Variants in ZSWIM8 observed in about 807,000 individuals in gnomAD.
ZSWIM8 encodes zinc finger SWIM domain-containing protein 8.
In ZSWIM8, 27 loss-of-function variants were observed where a neutral mutation model predicts 173.7. That is an observed-to-expected ratio of 0.16 (90% CI 0.11 to 0.21). The LOEUF (loss-of-function observed/expected upper bound fraction) is 0.21, where lower values mean the gene tolerates loss of function less well. ZSWIM8 is among the 10% of genes least tolerant of loss of function. The pLI is 1.00. For missense variants in ZSWIM8, 1,627 were observed against 2,428.8 expected, an observed-to-expected ratio of 0.67 and a Z score of 6.94; for synonymous variants, 958 against 962.0, an observed-to-expected ratio of 1.00 and a Z score of 0.08.
Position 73,792,866 on chromosome 10 carries a change from AGGAG to A in ZSWIM8, c.2313+21_2313+24del, listed in dbSNP as rs1247267106. 3 of 1,532,726 alleles carry A rather than the reference AGGAG, an allele frequency of 2.0e-6. No individual in the cohort carries two copies. Among genetic ancestry groups the A allele is most frequent in the Non-Finnish European group, 2.6e-6 (3 of 1,144,648 alleles). 94.9% of individuals were successfully genotyped at this position (1,532,726 alleles called of 1,614,324 possible). The stretch of plus-strand genomic sequence containing the variant: ...AGTCGCATGGAGGTGAGGGGATGGA[AGGAG>A]GGAGGGCTGGGTGCTCCTTAGCCAC... On this transcript the variant is annotated intron_variant, in intron 10 of 25. Transcript: ENST00000604729. The surrounding 1 kb of genome is among the most constrained non-coding windows in gnomAD (Gnocchi z 4.3).
intron 14 of ZSWIM8, 100 bp downstream of exon 14, chr10:73,794,739 A>C: frequency 9.0e-7 from 1 of 1,108,316 alleles, no homozygotes; most frequent in Non-Finnish European, 1.3e-6. Context: ...TGGGAAGGTC[A>C]GGATGACATG....
chr10:73,801,530 C>G lies in ZSWIM8; in HGVS notation c.*11C>G. 6.2e-7 allele frequency: 1 copy of G among 1,613,282 alleles called. No individual in the cohort carries two copies. The highest frequency in any genetic ancestry group is 8.5e-7 in the Non-Finnish European group (1 of 1,179,704). ...ACCTTCTCCCCCTGAGTCTTTCACC[C>G]TTAGGGTCCTATACAGGGACCCAGG... On this transcript the variant is annotated 3_prime_UTR_variant, in exon 26 of 26. Coordinates refer to ENST00000604729, the MANE Select transcript of ZSWIM8 (RefSeq NM_001367799.1). The surrounding 1 kb of genome is among the most constrained non-coding windows in gnomAD (Gnocchi z 4.9).
rs2083428072 is a variant in ZSWIM8, at chr10:73,791,855, A to C, written c.1320-4A>C. 9 of 1,502,528 alleles carry C rather than the reference A, an allele frequency of 6.0e-6. No homozygotes were observed. Among genetic ancestry groups the C allele is most frequent in the Non-Finnish European group, 8.1e-6 (9 of 1,116,796 alleles). 93.1% of individuals were successfully genotyped at this position (1,502,528 alleles called of 1,614,324 possible). A position where few individuals can be genotyped will look rare whatever the true frequency, so the allele number is the denominator to read the frequency against. Reference sequence around the variant, plus strand: ...CAGCAGCCTCCTGCCCCTTGTTCCCACAGGCGCCGGGAACTGTGTACGCAG... The same window carrying C: ...CAGCAGCCTCCTGCCCCTTGTTCCCCCAGGCGCCGGGAACTGTGTACGCAG... On this transcript the variant is annotated splice_region_variant and splice_polypyrimidine_tract_variant and intron_variant, in intron 9 of 25. Coordinates refer to ENST00000604729, the MANE Select transcript of ZSWIM8 (RefSeq NM_001367799.1). This position sits in a 1 kb window ranked among gnomAD's most constrained non-coding sequence, Gnocchi z 6.0.
chr10:73,799,639 A>G lies in ZSWIM8; in HGVS notation c.4665+149A>G, dbSNP rs376263904. On this transcript the variant is annotated intron_variant, in intron 21 of 25. Transcript: ENST00000604729. ...CTGGGGGACCCAGCCCAACTAAAAT[A>G]AGAAATGACGGCCGGGCATGGTGGC... The G allele has an allele frequency of 8.0e-5, 91 of 1,136,468 alleles. No homozygotes were observed. The African/African-American group carries it at 9.7e-4, about 12-fold the overall frequency. The allele number at this position is 1,136,468 out of a possible 1,614,324, so 70.4% of individuals were successfully genotyped here.
At position 73,799,484 on chromosome 10, in the gene ZSWIM8, C is replaced by T. The variant is rs1321993372; in HGVS notation, c.4659C>T (p.Tyr1553=). The change falls in exon 21 of 26, where the codon TAC becomes TAT. Residue 1553 remains tyrosine (Y), a synonymous_variant. Transcript: ENST00000604729. ...PAVFPVPSSA[Y]PQGVHPAFLG... ...TCTTCCCTGTGCCCAGCTCTGCATACCCACAGGTGAGACCAGTGTTCTGCT... is the reference window on the plus strand; with the variant it reads ...TCTTCCCTGTGCCCAGCTCTGCATATCCACAGGTGAGACCAGTGTTCTGCT... 6.3e-7 allele frequency: 1 copy of T among 1,598,120 alleles called. No homozygotes were observed. Among genetic ancestry groups the T allele is most frequent in the Non-Finnish European group, 8.5e-7 (1 of 1,171,908 alleles).
rs953680265 is a variant in ZSWIM8, at chr10:73,800,788, C to T, written c.5122+29C>T. The T allele has an allele frequency of 1.1e-5, 12 of 1,076,422 alleles. No homozygotes were observed. The highest frequency in any genetic ancestry group is 3.0e-5 in the East Asian group (1 of 32,868). The allele number at this position is 1,076,422 out of a possible 1,614,324, so 66.7% of individuals were successfully genotyped here. A position where few individuals can be genotyped will look rare whatever the true frequency, so the allele number is the denominator to read the frequency against. ...ACACCTCCCCTCCCTAGGACCATTG[C>T]CCCCCCCCCACCTGCTCTCCCCACC... On this transcript the variant is annotated intron_variant, in intron 24 of 25. Transcript: ENST00000604729. The surrounding 1 kb of genome is among the most constrained non-coding windows in gnomAD (Gnocchi z 4.1).
chr10:73,795,454 A>G, intron 14 of ZSWIM8, 85 bp from the exon 15 acceptor site: 1 of 1,577,158 alleles, frequency 6.3e-7, no homozygotes, highest in South Asian at 1.2e-5. Context: ...TCATATGCTG[A>G]TGGCTTGGGA....
At position 73,790,957 on chromosome 10, in the gene ZSWIM8, G is replaced by T. The variant is rs1171627333; in HGVS notation, c.942-18G>T. 1.3e-6 allele frequency: 2 copies of T among 1,599,600 alleles called. No homozygotes were observed. Among genetic ancestry groups the T allele is most frequent in the African/African-American group, 2.7e-5 (2 of 74,738 alleles). Reference sequence around the variant, plus strand: ...CCCCGTCTTACTGTCATGGTTTTCTGTTCCTCTGCTTTTACAGTGATGTGA... The same window carrying T: ...CCCCGTCTTACTGTCATGGTTTTCTTTTCCTCTGCTTTTACAGTGATGTGA... On this transcript the variant is annotated intron_variant, in intron 7 of 25. Coordinates refer to ENST00000604729, the MANE Select transcript of ZSWIM8 (RefSeq NM_001367799.1).
chr10:73,797,794 C>T lies in ZSWIM8; in HGVS notation c.3676C>T (p.Arg1226Cys), dbSNP rs1022524341. The T allele has an allele frequency of 3.7e-6, 6 of 1,612,480 alleles. No individual in the cohort carries two copies. The highest frequency in any genetic ancestry group is 1.7e-5 in the Admixed American group (1 of 59,950). ...TTGCCCCTTCAGGTACAAGGGCCGC[C>T]GCCCCGAGAGTCATGCCCCTCATGT... ...TVEVGRYKGR[R>C]PESHAPHVPN... The change falls in exon 19 of 26, where the codon CGC (arginine) becomes TGC (cysteine). Residue 1226 changes from arginine (R) to cysteine (C), a missense_variant. Around this residue, in one of 18 missense-constraint regions of ZSWIM8, gnomAD observed 72 missense variants for 98.4 expected, o/e 0.73. Coordinates refer to ENST00000604729, the MANE Select transcript of ZSWIM8 (RefSeq NM_001367799.1). This position sits in a 1 kb window ranked among gnomAD's most constrained non-coding sequence, Gnocchi z 5.6.
chr10:73,795,962 C>CA (rs34801762), intron 15 of ZSWIM8, among the ~76,000 whole-genome samples: 1,825 of 58,214 alleles, frequency 0.031, 35 homozygotes, highest in Middle Eastern at 0.059. Flanking sequence ...GACCCTGTTT[C>CA]AAAAAAAAAA....
At position 73,791,297 on chromosome 10, in the gene ZSWIM8, G is replaced by A. The variant is rs781332500; in HGVS notation, c.1144-27G>A. Reference sequence around the variant, plus strand: ...TCTGCCTTTCTCTGAGCTCTCAGGTGCAGCTCACAGCCTTCTTTGTCTCCA... The same window carrying A: ...TCTGCCTTTCTCTGAGCTCTCAGGTACAGCTCACAGCCTTCTTTGTCTCCA... On this transcript the variant is annotated intron_variant, in intron 8 of 25. Coordinates refer to ENST00000604729, the MANE Select transcript of ZSWIM8 (RefSeq NM_001367799.1). The surrounding 1 kb of genome is among the most constrained non-coding windows in gnomAD (Gnocchi z 6.0). 1.9e-6 allele frequency: 3 copies of A among 1,589,356 alleles called. No homozygotes were observed. The highest frequency in any genetic ancestry group is 2.3e-5 in the East Asian group (1 of 44,300).
rs1182754893 is a variant in ZSWIM8, at chr10:73,789,407, C to G, written c.498C>G (p.Val166=). The G allele has an allele frequency of 3.8e-6, 6 of 1,578,002 alleles. No homozygotes were observed. Among genetic ancestry groups the G allele is most frequent in the Non-Finnish European group, 5.2e-6 (6 of 1,161,426 alleles). Residue 166 remains valine (V), a synonymous_variant, in exon 4 of 26, where the codon GTC becomes GTG. Transcript: ENST00000604729. This position sits in a 1 kb window ranked among gnomAD's most constrained non-coding sequence, Gnocchi z 6.8. The part of the protein sequence containing the change: ...LSATVVPPQM[V]PPKGAYNVAV... The stretch of plus-strand genomic sequence containing the variant: ...CTACAGTGGTGCCACCTCAGATGGT[C>G]CCTCCTAAAGGGGCCTACAACGTGG...
intron 13 of ZSWIM8, 60 bp from the exon 14 acceptor site, chr10:73,794,481 C>A: frequency 6.4e-7 from 1 of 1,570,456 alleles, no homozygotes; most frequent in East Asian, 2.3e-5. Flanking sequence ...TTGGGTTCCC[C>A]TGTATTTTTT....
Position 73,789,594 on chromosome 10 carries a change from C to G in ZSWIM8, c.630+55C>G. 1 of 1,583,024 alleles carries G rather than the reference C, an allele frequency of 6.3e-7. No individual in the cohort carries two copies. Among genetic ancestry groups the G allele is most frequent in the South Asian group, 1.2e-5 (1 of 86,852 alleles). On this transcript the variant is annotated intron_variant, in intron 4 of 25. Transcript: ENST00000604729. The surrounding 1 kb of genome is among the most constrained non-coding windows in gnomAD (Gnocchi z 6.8). ...ATCCTACACTCCATCCCCCCCTTCT[C>G]TGCTGCATGCCTGGCTACAATGTGA...
In ZSWIM8 at chr10:73,800,667, G is replaced by A. The variant is rs375619265; in HGVS notation, c.5030G>A (p.Arg1677His). 5 of 1,613,564 alleles carry A rather than the reference G, an allele frequency of 3.1e-6. No individual in the cohort carries two copies. The highest frequency in any genetic ancestry group is 2.7e-5 in the African/African-American group (2 of 74,820). Residue 1677 changes from arginine to histidine, a missense_variant, in exon 24 of 26, where the codon CGC (arginine) becomes CAC (histidine). Physicochemically the swap from Arg to His is conservative, Grantham distance 29. Around this residue, in one of 18 missense-constraint regions of ZSWIM8, gnomAD observed 9 missense variants for 27.3 expected, o/e 0.33. Coordinates refer to ENST00000604729, the MANE Select transcript of ZSWIM8 (RefSeq NM_001367799.1). This position sits in a 1 kb window ranked among gnomAD's most constrained non-coding sequence, Gnocchi z 4.1. The part of the protein sequence containing the change: ...VGMLALEMLG[R>H]RAHNDHPNNF... ...ATGCTGGCACTGGAGATGCTGGGTC[G>A]CCGGGCACACAACGATCACCCCAAC...
At chr10:73,786,846 T>C (rs2083244676) in intron 1 of ZSWIM8, among the ~76,000 whole-genome samples, 1 of 152,190 alleles carries the variant, frequency 6.6e-6, no homozygotes, top group Non-Finnish European at 1.5e-5. Context: ...TTAATTTGTG[T>C]GATTCTACTC....
intron 1 of ZSWIM8, among the ~76,000 whole-genome samples, chr10:73,787,831 T>G (rs2083278981): frequency 6.6e-6 from 1 of 152,038 alleles, no homozygotes; most frequent in Admixed American, 6.6e-5. Context: ...CCAGCCTGGG[T>G]GACAGAGTGA....
Position 73,791,447 on chromosome 10 carries a change from A to C in ZSWIM8, c.1267A>C (p.Met423Leu). 6.2e-7 allele frequency: 1 copy of C among 1,613,418 alleles called. No homozygotes were observed. Among genetic ancestry groups the C allele is most frequent in the Non-Finnish European group, 8.5e-7 (1 of 1,179,516 alleles). The change falls in exon 9 of 26, where the codon ATG becomes CTG. Residue 423 changes from methionine to leucine, a missense_variant. Around this residue, in one of 18 missense-constraint regions of ZSWIM8, gnomAD observed 103 missense variants for 155.6 expected, o/e 0.66. Transcript: ENST00000604729. The surrounding 1 kb of genome is among the most constrained non-coding windows in gnomAD (Gnocchi z 6.0). ...AHACASMCDE[M>L]VTLWRLAVLD... ...TGCCTGTGCCAGCATGTGTGACGAG[A>C]TGGTCACACTGTGGAGGCTGGCCGT...
Position 73,801,623 on chromosome 10 carries a change from T to G in ZSWIM8, c.*104T>G, listed in dbSNP as rs1184179153. On this transcript the variant is annotated 3_prime_UTR_variant, in exon 26 of 26. Transcript: ENST00000604729. The surrounding 1 kb of genome is among the most constrained non-coding windows in gnomAD (Gnocchi z 4.9). The stretch of plus-strand genomic sequence containing the variant: ...GGCTGGACAGATCATCCTCACTCAG[T>G]TCCCTGGTAGCACAGACTGACAGCT... 6.5e-7 allele frequency: 1 copy of G among 1,540,046 alleles called. No individual in the cohort carries two copies.
Sources: gnomAD v4.1 joint callset for allele counts (sites outside exome capture counted in the v4.1 genomes callset) on GRCh38, gnomAD v4.1.1 for gene constraint, gnomAD v4.1.1 regional missense constraint, Gnocchi (gnomAD v3.1) non-coding constraint, MANE v1.5 for transcripts, NCBI Gene and HGNC (gene_info 2026-07-23, HGNC 2026-07-21) for gene names.